The following SACS variants were observed in gnomAD, a reference collection of about 807,000 sequenced individuals.
The protein encoded by SACS is sacsin molecular chaperone, also known as sacsin.
A neutral mutation model predicts 348.0 loss-of-function variants in SACS; 197 were observed. The observed-to-expected ratio is 0.57, with a 90% CI of 0.50 to 0.64. SACS has a LOEUF of 0.64. SACS is among the 30% of genes least tolerant of loss of function. The pLI, the probability that SACS is intolerant of heterozygous loss-of-function variation, is 0.00. For synonymous variants in SACS, 1,985 were observed against 1,910.6 expected (o/e 1.04, Z -1.02); for missense variants, 4,999 against 5,360.8 (o/e 0.93, Z 2.11).
At chr13:23,382,670 T>C (rs546722213) in intron 2 of SACS, among the ~76,000 whole-genome samples, 3 of 152,268 alleles carry the variant, frequency 2.0e-5, no homozygotes, top group Non-Finnish European at 4.4e-5. Context: ...ATTTCTATAA[T>C]CTTTATAACT....
rs1388368182 is a variant in SACS at position 23,355,406 on chromosome 13, C to T, written c.1206G>A (p.Gly402=). The change falls in exon 8 of 10, where the codon GGG becomes GGA. Residue 402 remains glycine (G), a synonymous_variant. Transcript: ENST00000382292. ...WLVCNSVGGR[G]ISSKLDSLAD... ...CTAAAGAGTCAAGCTTACTACTGAT[C>T]CCTCGCCCACCCACACTGTTACACA... The T allele has an allele frequency of 6.2e-7, 1 of 1,614,122 alleles. No homozygotes were observed. Among genetic ancestry groups the T allele is most frequent in the Non-Finnish European group, 8.5e-7 (1 of 1,180,034 alleles).
chr13:23,373,143 A>G (rs1223577159), intron 3 of SACS, among the ~76,000 whole-genome samples: 1 of 152,230 alleles, frequency 6.6e-6, no homozygotes, highest in African/African-American at 2.4e-5. Context: ...AAGTAGAACC[A>G]GAGGAGGAAC....
chr13:23,350,044 G>C (rs1869855133), intron 9 of SACS, among the ~76,000 whole-genome samples: 1 of 152,182 alleles, frequency 6.6e-6, no homozygotes, highest in Admixed American at 6.5e-5. Context: ...GAGGAACAGA[G>C]GTTCACAAAT....
In SACS at chr13:23,336,445, C is replaced by G. The variant is rs745795861; in HGVS notation, c.7431G>C (p.Lys2477Asn). The G allele has an allele frequency of 2.2e-5, 35 of 1,613,884 alleles. No individual in the cohort carries two copies. The South Asian group carries it at 3.7e-4, about 17-fold the overall frequency. Residue 2477 changes from lysine (K) to asparagine (N), a missense_variant, in exon 10 of 10, where the codon AAG becomes AAC. This residue lies in a region of SACS where 3,156 missense variants were observed against 3,380.1 expected (regional missense o/e 0.93). Transcript: ENST00000382292. ...CYNDCPWIKV[K>N]DTTVKYCHAD... Reference sequence around the variant, plus strand: ...CATGACAATATTTTACAGTGGTATCCTTTACTTTTATCCAAGGGCAATCAT... The same window carrying G: ...CATGACAATATTTTACAGTGGTATCGTTTACTTTTATCCAAGGGCAATCAT...
chr13:23,380,135 G>GTGTGTT (rs142734483), intron 2 of SACS, among the ~76,000 whole-genome samples: 1,857 of 56,618 alleles, frequency 0.033, 36 homozygotes, highest in African/African-American at 0.056. Flanking sequence ...GTGTGTGTGT[G>GTGTGTT]TGTGTGTGTG....
intron 2 of SACS, among the ~76,000 whole-genome samples, chr13:23,377,404 C>T (rs1372698575): frequency 2.0e-5 from 3 of 152,100 alleles, no homozygotes; most frequent in Admixed American, 6.5e-5. Context: ...TCGGTTTTTC[C>T]GTGGAGCCTG....
rs1304752867 is a variant in SACS, at chr13:23,330,172, T to G, written c.13704A>C (p.Ile4568=). 2.5e-6 allele frequency: 4 copies of G among 1,614,090 alleles called. No individual in the cohort carries two copies. The highest frequency in any genetic ancestry group is 3.4e-6 in the Non-Finnish European group (4 of 1,179,954). ...GTTGCATAAAATTTTCAAGTTTTAT[T>G]ATGATACAGGCAGTACATTCCATCA... The part of the protein sequence containing the change: ...MRVMECTACI[I]IKLENFMQQK... The change falls in exon 10 of 10, where the codon ATA becomes ATC. Residue 4568 remains isoleucine (I), a synonymous_variant. Coordinates refer to ENST00000382292, the MANE Select transcript of SACS (RefSeq NM_014363.6).
chr13:23,422,116 T>G (rs9578595), intron 1 of SACS, among the ~76,000 whole-genome samples: 1 of 152,160 alleles, frequency 6.6e-6, no homozygotes, highest in South Asian at 2.1e-4. Flanking sequence ...TAGAAAAAAG[T>G]TATGTGCAAA....
At position 23,365,178 on chromosome 13, in the gene SACS, C is replaced by T; in HGVS notation, c.445G>A (p.Ala149Thr). 1 of 1,608,828 alleles carries T rather than the reference C, an allele frequency of 6.2e-7. No individual in the cohort carries two copies. ...GTETLWSKDM[A>T]PYQGPALYVY... ...TATTGATTCTTACCCTGATATGGCGCCATATCTTTTGACCAAAGAGTCTCT... is the reference window on the plus strand; with the variant it reads ...TATTGATTCTTACCCTGATATGGCGTCATATCTTTTGACCAAAGAGTCTCT... Residue 149 changes from alanine (A) to threonine (T), a missense_variant, in exon 6 of 10, where the codon GCG becomes ACG. Around this residue, in one of 6 missense-constraint regions of SACS, gnomAD observed 3,156 missense variants for 3,380.1 expected, o/e 0.93. Transcript: ENST00000382292.
intron 8 of SACS, 105 bp from the exon 9 acceptor site, chr13:23,353,981 T>C (rs1758664965): frequency 4.0e-6 from 3 of 748,026 alleles, no homozygotes; most frequent in Non-Finnish European, 7.3e-6. Context: ...TATTTTATTT[T>C]ACATAAATTA....
At position 23,341,023 on chromosome 13, in the gene SACS, G is replaced by T. The variant is rs200644511; in HGVS notation, c.2853C>A (p.His951Gln). The T allele has an allele frequency of 1.3e-4, 215 of 1,613,948 alleles. No homozygotes were observed. The highest frequency in any genetic ancestry group is 1.8e-4 in the Non-Finnish European group (207 of 1,179,940). ...GATCTGCTGGGAGTTTGGCAGTATG[G>T]TGTAAGACTTTACAACCTTTCAATT... Reference protein sequence around the residue: ...YTKLKGCKVLHHTAKLPADLR... With the variant: ...YTKLKGCKVLQHTAKLPADLR... The change falls in exon 10 of 10, where the codon CAC (histidine) becomes CAA (glutamine). Residue 951 changes from histidine to glutamine, a missense_variant. Transcript: ENST00000382292.
chr13:23,428,726 C>A (rs996066847), intron 1 of SACS: 2 of 152,084 alleles, frequency 1.3e-5, no homozygotes, highest in Non-Finnish European at 2.9e-5. Context: ...AAATTATTCC[C>A]CCAGTGCTCC....
In SACS at chr13:23,329,601, C is replaced by G. The variant is rs371633251; in HGVS notation, c.*535G>C. 52 of 571,822 alleles carry G rather than the reference C, an allele frequency of 9.1e-5. No homozygotes were observed. The South Asian group carries it at 1.3e-3, about 14-fold the overall frequency. 35.4% of individuals were successfully genotyped at this position (571,822 alleles called of 1,614,324 possible). On this transcript the variant is annotated 3_prime_UTR_variant, in exon 10 of 10. Coordinates refer to ENST00000382292, the MANE Select transcript of SACS (RefSeq NM_014363.6). ...AAGTAATAGGATTAAAATACTCTAC[C>G]ATTTCTTAAATGCACTGAGTACAAC... is the stretch of plus-strand genomic sequence containing the variant.
rs546729483 is a variant in SACS at position 23,335,335 on chromosome 13, A to G, written c.8541T>C (p.Leu2847=). 1.9e-6 allele frequency: 3 copies of G among 1,613,952 alleles called. No homozygotes were observed. The highest frequency in any genetic ancestry group is 2.2e-5 in the East Asian group (1 of 44,886). The stretch of plus-strand genomic sequence containing the variant: ...AGGCAGCTACTCCACCACGTGGGAA[A>G]AGAGTAATATCTTGGTTCTTGTGAG... The part of the protein sequence containing the change: ...ISAHKNQDIT[L]FPRGGVAACI... The change falls in exon 10 of 10, where the codon CTT becomes CTC. Residue 2847 remains leucine (L), a synonymous_variant. Transcript: ENST00000382292. This position sits in a 1 kb window ranked among gnomAD's most constrained non-coding sequence, Gnocchi z 4.7.
intron 9 of SACS, among the ~76,000 whole-genome samples, chr13:23,348,445 A>G (rs1869749525): frequency 6.6e-6 from 1 of 152,242 alleles, no homozygotes; most frequent in Non-Finnish European, 1.5e-5. Flanking sequence ...CAGCTGAAGC[A>G]TCAACTTATC....
In SACS at chr13:23,332,354, T is replaced by C. The variant is rs1369176890; in HGVS notation, c.11522A>G (p.His3841Arg). 7 of 1,614,042 alleles carry C rather than the reference T, an allele frequency of 4.3e-6. No individual in the cohort carries two copies. The South Asian group carries it at 7.7e-5, about 18-fold the overall frequency. Residue 3841 changes from histidine (H) to arginine (R), a missense_variant, in exon 10 of 10, where the codon CAC (histidine) becomes CGC (arginine). His to Arg is a conservative substitution (Grantham distance 29). Around this residue, in one of 6 missense-constraint regions of SACS, gnomAD observed 831 missense variants for 941.8 expected, o/e 0.88. Coordinates refer to ENST00000382292, the MANE Select transcript of SACS (RefSeq NM_014363.6). ...TGAAATAATATCTTCAGTACCTAAG[T>C]GTTTGAACAACTGGTGAAATGTGCC... is the stretch of plus-strand genomic sequence containing the variant. ...ELGTFHQLFK[H>R]LGTEDIISTK...
Position 23,336,107 on chromosome 13 carries a change from A to C in SACS, c.7769T>G (p.Val2590Gly). 1 of 1,611,568 alleles carries C rather than the reference A, an allele frequency of 6.2e-7. No individual in the cohort carries two copies. Among genetic ancestry groups the C allele is most frequent in the Non-Finnish European group, 8.5e-7 (1 of 1,178,016 alleles). Reference protein sequence around the residue: ...WAPLQGPALCVYNNQPFTEDD... With the variant: ...WAPLQGPALCGYNNQPFTEDD... Reference sequence around the variant, plus strand: ...TTCTGTAAATGGCTGGTTGTTGTACACACAAAGTGCTGGCCCTTGCAATGG... The same window carrying C: ...TTCTGTAAATGGCTGGTTGTTGTACCCACAAAGTGCTGGCCCTTGCAATGG... The change falls in exon 10 of 10, where the codon GTG (valine) becomes GGG (glycine). Residue 2590 changes from valine to glycine, a missense_variant. By Grantham distance (109) the Val-to-Gly change is moderately radical (BLOSUM62 -3). Coordinates refer to ENST00000382292, the MANE Select transcript of SACS (RefSeq NM_014363.6).
Position 23,341,158 on chromosome 13 carries a change from G to A in SACS, c.2718C>T (p.Phe906=). The A allele has an allele frequency of 6.2e-7, 1 of 1,613,250 alleles. No individual in the cohort carries two copies. The highest frequency in any genetic ancestry group is 8.5e-7 in the Non-Finnish European group (1 of 1,179,990). ...LPTHKDALRK[F]LASLTDSSEK... is the part of the protein sequence containing the mutation. The stretch of plus-strand genomic sequence containing the variant: ...CACTGCTATCGGTTAAACTAGCCAA[G>A]AACTTCCTCAGGGCATCTTTGTGTG... The change falls in exon 10 of 10, where the codon TTC becomes TTT. Residue 906 remains phenylalanine, a synonymous_variant. Transcript: ENST00000382292.
At chr13:23,397,780 A>C (rs1471727119) in intron 2 of SACS, among the ~76,000 whole-genome samples, 1 of 152,254 alleles carries the variant, frequency 6.6e-6, no homozygotes, top group Non-Finnish European at 1.5e-5. Context: ...TTATGGGCCA[A>C]ATATGAGTGA....
Sources: gnomAD v4.1 joint callset for allele counts (sites outside exome capture counted in the v4.1 genomes callset) on GRCh38, gnomAD v4.1.1 for gene constraint, gnomAD v4.1.1 regional missense constraint, Gnocchi (gnomAD v3.1) non-coding constraint, MANE v1.5 for transcripts, NCBI Gene and HGNC (gene_info 2026-07-23, HGNC 2026-07-21) for gene names.